IGLON5: variants seen among roughly 807,000 people sequenced by gnomAD.
The protein encoded by IGLON5 is Ig-like domain-containing protein ENSP00000270642.
In IGLON5, 16 loss-of-function variants were observed where a neutral mutation model predicts 38.2. The ratio of observed to expected loss-of-function variants is 0.42; its 90% confidence interval spans 0.28 to 0.64. The LOEUF is 0.64. Ranked by LOEUF, IGLON5 falls within the 30% of genes least tolerant of loss-of-function variation. IGLON5 has a pLI of 0.23. For synonymous variants in IGLON5, 207 were observed against 216.4 expected (o/e 0.96, Z 0.38); for missense variants, 366 against 483.4 (o/e 0.76, Z 2.28).
chr19:51,327,043 C>T lies in IGLON5; in HGVS notation c.647-37C>T, dbSNP rs117206276. ...GGGGCGGGACCCCTTCGTCCCCACG[C>T]GGCTAGGAGAATTCGCTGACCCTTG... On this transcript the variant is annotated intron_variant, in intron 5 of 7. Transcript: ENST00000270642. This position sits in a 1 kb window ranked among gnomAD's most constrained non-coding sequence, Gnocchi z 7.1. 3.2e-3 allele frequency: 5,159 copies of T among 1,600,394 alleles called. 15 individuals carry two copies. The highest frequency in any genetic ancestry group is 0.013 in the Middle Eastern group (77 of 5,888).
At position 51,325,286 on chromosome 19, in the gene IGLON5, G is replaced by A; in HGVS notation, c.392-60G>A. 1 of 1,583,298 alleles carries A rather than the reference G, an allele frequency of 6.3e-7. No homozygotes were observed. Among genetic ancestry groups the A allele is most frequent in the Non-Finnish European group, 8.6e-7 (1 of 1,165,318 alleles). ...GGTCTGGACTCCTGGGTCTGAAGGA[G>A]GAAGGGCTGGGGGCCTGGATTCCTG... On this transcript the variant is annotated intron_variant, in intron 3 of 7. Transcript: ENST00000270642. This position sits in a 1 kb window ranked among gnomAD's most constrained non-coding sequence, Gnocchi z 5.5.
chr19:51,327,964 C>G lies in IGLON5; in HGVS notation c.922+78C>G. ...GCTAGGGAAGTGGAGACGCCGGGAC[C>G]GCCCTTCAGGCTGGCCCTGAACTTA... is the stretch of plus-strand genomic sequence containing the variant. On this transcript the variant is annotated intron_variant, in intron 7 of 7. Transcript: ENST00000270642. This position sits in a 1 kb window ranked among gnomAD's most constrained non-coding sequence, Gnocchi z 7.1. The G allele has an allele frequency of 1.4e-6, 2 of 1,392,752 alleles. No individual in the cohort carries two copies. Among genetic ancestry groups the G allele is most frequent in the Non-Finnish European group, 1.9e-6 (2 of 1,062,704 alleles). 86.3% of individuals were successfully genotyped at this position (1,392,752 alleles called of 1,614,324 possible).
chr19:51,322,633 TC>T (rs1985095892), intron 2 of IGLON5, among the ~76,000 whole-genome samples: 1 of 144,116 alleles, frequency 6.9e-6, no homozygotes, highest in Non-Finnish European at 1.5e-5. Context: ...TGGGTCTCTG[TC>T]CCCCCTCTTT....
chr19:51,318,072 C>G (rs1984965557), intron 1 of IGLON5, among the ~76,000 whole-genome samples: 1 of 152,206 alleles, frequency 6.6e-6, no homozygotes, highest in African/African-American at 2.4e-5. Context: ...TCATCACTGT[C>G]TCAGCTAAGT....
intron 1 of IGLON5, 79 bp from the exon 2 acceptor site, chr19:51,321,985 G>C: frequency 1.8e-6 from 2 of 1,140,516 alleles, no homozygotes; most frequent in Non-Finnish European, 2.6e-6. Flanking sequence ...AAGGACGTGC[G>C]TGTGCACATG....
At chr19:51,313,270 C>G (rs1341173076) in intron 1 of IGLON5, among the ~76,000 whole-genome samples, 2 of 152,208 alleles carry the variant, frequency 1.3e-5, no homozygotes, top group African/African-American at 4.8e-5. Context: ...CTGTCTCTGT[C>G]TCTGTCATGC....
intron 1 of IGLON5, 99 bp from the exon 2 acceptor site, chr19:51,321,965 C>G: frequency 1.0e-6 from 1 of 979,590 alleles, no homozygotes; most frequent in South Asian, 1.3e-5. Context: ...CAGGAGACGT[C>G]TGTGTCCACA....
chr19:51,327,134 C>A lies in IGLON5; in HGVS notation c.701C>A (p.Ala234Asp), dbSNP rs770163225. 3.7e-6 allele frequency: 6 copies of A among 1,612,094 alleles called. No individual in the cohort carries two copies. Among genetic ancestry groups the A allele is most frequent in the Non-Finnish European group, 5.1e-6 (6 of 1,179,548 alleles). The change falls in exon 6 of 8, where the codon GCC becomes GAC. Residue 234 changes from alanine (A) to aspartate (D), a missense_variant. By Grantham distance (126) the Ala-to-Asp change is moderately radical (BLOSUM62 -2). Transcript: ENST00000270642. The surrounding 1 kb of genome is among the most constrained non-coding windows in gnomAD (Gnocchi z 7.1). Reference protein sequence around the residue: ...TSARTALGRAALLRCEAMAVP... With the variant: ...TSARTALGRADLLRCEAMAVP... ...GCCCGCACCGCGCTGGGCCGGGCCGCCCTCCTGCGCTGCGAAGCCATGGCG... is the reference window on the plus strand; with the variant it reads ...GCCCGCACCGCGCTGGGCCGGGCCGACCTCCTGCGCTGCGAAGCCATGGCG...
At chr19:51,328,520 AAAG>A (rs1338518220) in intron 7 of IGLON5, 148 bp from the exon 8 acceptor site, 12 of 438,942 alleles carry the variant, frequency 2.7e-5, no homozygotes, top group East Asian at 2.2e-4. Flanking sequence ...AAAAAAAAAA[AAAG>A]AAACAGAGTC....
intron 1 of IGLON5, among the ~76,000 whole-genome samples, chr19:51,320,753 C>T (rs1459430351): frequency 2.6e-5 from 4 of 152,046 alleles, no homozygotes; most frequent in Admixed American, 2.0e-4. Context: ...TCTGTGCGCA[C>T]GTGTTCATAT....
At chr19:51,315,688 CTTTTTTTTTTT>C (rs756194855) in intron 1 of IGLON5, among the ~76,000 whole-genome samples, 11 of 82,588 alleles carry the variant, frequency 1.3e-4, no homozygotes, top group Admixed American at 2.7e-4. Flanking sequence ...GGAAGTCAAC[CTTTTTTTTTTT>C]TTTTTTTTTT....
At chr19:51,321,273 G>C (rs1599825289) in intron 1 of IGLON5, among the ~76,000 whole-genome samples, 1 of 152,098 alleles carries the variant, frequency 6.6e-6, no homozygotes, top group African/African-American at 2.4e-5. Flanking sequence ...CGCCTCCCGA[G>C]TTCAAGTGAT....
chr19:51,314,306 C>A (rs559918570), intron 1 of IGLON5, among the ~76,000 whole-genome samples: 5 of 151,922 alleles, frequency 3.3e-5, no homozygotes, highest in Admixed American at 1.3e-4. Flanking sequence ...GCCTCAGCCT[C>A]GCAAGTAGCT....
chr19:51,323,265 T>G (rs1045518659), intron 2 of IGLON5, among the ~76,000 whole-genome samples: 3 of 151,022 alleles, frequency 2.0e-5, no homozygotes, highest in African/African-American at 7.4e-5. Flanking sequence ...TCTCTGGGTC[T>G]CTGTCCCTCT....
In IGLON5 at chr19:51,325,346, T is replaced by A; in HGVS notation, c.392T>A (p.Val131Asp). 1 of 1,613,554 alleles carries A rather than the reference T, an allele frequency of 6.2e-7. No homozygotes were observed. Among genetic ancestry groups the A allele is most frequent in the Non-Finnish European group, 8.5e-7 (1 of 1,179,738 alleles). ...YTTQVYLIVH[V>D]PARIVNISSP... ...ATTCAGCCTCTGCCGCTGCCCGCAG[T>A]CCCTGCCCGCATTGTGAACATCTCG... The change falls in exon 4 of 8, where the codon GTC (valine) becomes GAC (aspartate). Residue 131 changes from valine (V) to aspartate (D), a missense_variant and splice_region_variant. Physicochemically the swap from Val to Asp is radical, Grantham distance 152. Coordinates refer to ENST00000270642, the MANE Select transcript of IGLON5 (RefSeq NM_001101372.3). This position sits in a 1 kb window ranked among gnomAD's most constrained non-coding sequence, Gnocchi z 5.5.
chr19:51,312,147 C>A lies in IGLON5; in HGVS notation c.79+221C>A, dbSNP rs553089193. Among the ~76,000 whole-genome samples the A allele has an allele frequency of 1.1e-3, 160 of 152,142 alleles. 2 individuals carry two copies. The highest frequency in any genetic ancestry group is 1.1e-3 in the Non-Finnish European group (72 of 67,926). On this transcript the variant is annotated intron_variant, in intron 1 of 7. Transcript: ENST00000270642. ...GCCCCGGGGCAGGGGTCGGCGTCCT[C>A]GGGCCGGAGCCGGGTCTAGGGGCGG... is the stretch of plus-strand genomic sequence containing the variant.
At chr19:51,322,495 GC>G (rs1215943280) in intron 2 of IGLON5, among the ~76,000 whole-genome samples, 6 of 150,698 alleles carry the variant, frequency 4.0e-5, no homozygotes, top group African/African-American at 7.4e-5. Flanking sequence ...CAGAGATCCA[GC>G]AGAGAGGGAC....
chr19:51,324,823 A>G lies in IGLON5; in HGVS notation c.392-523A>G, dbSNP rs1436480910. Reference sequence around the variant, plus strand: ...GGGGAGTGGAAAGCACAGATGACTTAGAATTGATGAAATACAGTAACATCC... The same window carrying G: ...GGGGAGTGGAAAGCACAGATGACTTGGAATTGATGAAATACAGTAACATCC... On this transcript the variant is annotated intron_variant, in intron 3 of 7. Transcript: ENST00000270642. The surrounding 1 kb of genome is among the most constrained non-coding windows in gnomAD (Gnocchi z 4.2). Among the ~76,000 whole-genome samples, 1 of 151,730 alleles carries G rather than the reference A, an allele frequency of 6.6e-6. No homozygotes were observed. Among genetic ancestry groups the G allele is most frequent in the African/African-American group, 2.4e-5 (1 of 41,326 alleles).
intron 1 of IGLON5, among the ~76,000 whole-genome samples, 184 bp downstream of exon 1, chr19:51,312,110 G>A (rs1242568214): frequency 1.3e-5 from 2 of 151,872 alleles, no homozygotes; most frequent in African/African-American, 4.8e-5. Flanking sequence ...GACCTCGGAC[G>A]TGGGGGTCCG....
Sources: gnomAD v4.1 joint callset for allele counts (sites outside exome capture counted in the v4.1 genomes callset) on GRCh38, gnomAD v4.1.1 for gene constraint, Gnocchi (gnomAD v3.1) non-coding constraint, MANE v1.5 for transcripts, NCBI Gene and HGNC (gene_info 2026-07-23, HGNC 2026-07-21) for gene names.